The following MARCHF1 variants were observed in gnomAD, a reference collection of about 807,000 sequenced individuals.
MARCHF1 encodes E3 ubiquitin-protein ligase MARCHF1.
A neutral mutation model predicts 54.2 loss-of-function variants in MARCHF1; 40 were observed. The ratio of observed to expected loss-of-function variants is 0.74; its 90% CI spans 0.57 to 0.96. The LOEUF (loss-of-function observed/expected upper bound fraction) is 0.96, where lower values mean the gene tolerates loss of function less well. Ranked by LOEUF, MARCHF1 falls within the 40% of genes least tolerant of loss-of-function variation. The pLI, the probability that MARCHF1 is intolerant of heterozygous loss-of-function variation, is 0.00. For synonymous variants in MARCHF1, 236 were observed against 236.3 expected, an observed-to-expected ratio of 1.00 and a Z score of 0.01; for missense variants, 586 against 656.5, an observed-to-expected ratio of 0.89 and a Z score of 1.17.
intron 3 of MARCHF1, among the ~76,000 whole-genome samples, chr4:163,984,122 T>G (rs1752816318): frequency 6.6e-6 from 1 of 152,038 alleles, no homozygotes; most frequent in Non-Finnish European, 1.5e-5. Flanking sequence ...GATTCCCCAG[T>G]AACAGATCTC....
chr4:163,967,187 A>G (rs1419137810), intron 3 of MARCHF1, among the ~76,000 whole-genome samples: 3 of 152,174 alleles, frequency 2.0e-5, no homozygotes, highest in Admixed American at 6.6e-5. Flanking sequence ...TAAATTTCCA[A>G]TAAGGCAGTG....
At chr4:164,160,717 C>T (rs1228848500) in intron 1 of MARCHF1, among the ~76,000 whole-genome samples, 3 of 152,158 alleles carry the variant, frequency 2.0e-5, no homozygotes, top group Non-Finnish European at 4.4e-5. Context: ...TTCTCTTTCT[C>T]TCATTACAAA....
intron 3 of MARCHF1, among the ~76,000 whole-genome samples, chr4:163,944,293 A>T (rs1751982421): frequency 6.6e-6 from 1 of 152,078 alleles, no homozygotes; most frequent in Non-Finnish European, 1.5e-5. Flanking sequence ...GAAATATGCC[A>T]TCTTTTAAGG....
chr4:163,807,764 C>T (rs1748265976), intron 4 of MARCHF1, among the ~76,000 whole-genome samples: 1 of 150,960 alleles, frequency 6.6e-6, no homozygotes, highest in Non-Finnish European at 1.5e-5. Flanking sequence ...AATATACCCC[C>T]AAATATGGTG....
At chr4:164,073,043 CAGAA>C (rs1754902916) in intron 2 of MARCHF1, among the ~76,000 whole-genome samples, 1 of 152,034 alleles carries the variant, frequency 6.6e-6, no homozygotes, top group South Asian at 2.1e-4. Flanking sequence ...TTCGCATAGT[CAGAA>C]GGAGAGAAGA....
At chr4:163,978,920 T>C (rs1472000758) in intron 3 of MARCHF1, among the ~76,000 whole-genome samples, 1 of 151,828 alleles carries the variant, frequency 6.6e-6, no homozygotes, top group African/African-American at 2.4e-5. Flanking sequence ...ATAGACAGGG[T>C]ATCATTATGT....
At chr4:164,264,143 C>A (rs959434014) in intron 1 of MARCHF1, among the ~76,000 whole-genome samples, 6 of 152,094 alleles carry the variant, frequency 3.9e-5, no homozygotes, top group African/African-American at 1.4e-4. Flanking sequence ...ACATATACAC[C>A]ATGGAATACT....
chr4:163,630,884 T>C (rs1047038928), intron 5 of MARCHF1, among the ~76,000 whole-genome samples: 3 of 146,496 alleles, frequency 2.0e-5, no homozygotes, highest in Non-Finnish European at 4.5e-5. Context: ...CCAGAAGAAA[T>C]GCAAGGAAAA....
intron 1 of MARCHF1, among the ~76,000 whole-genome samples, chr4:164,174,437 T>C (rs1730609888): frequency 6.6e-6 from 1 of 152,196 alleles, no homozygotes; most frequent in Non-Finnish European, 1.5e-5. Flanking sequence ...ACCAGATGTG[T>C]CATTCGGCAT....
intron 4 of MARCHF1, among the ~76,000 whole-genome samples, chr4:163,772,580 A>G (rs1197034513): frequency 6.6e-6 from 1 of 152,096 alleles, no homozygotes; most frequent in Non-Finnish European, 1.5e-5. Flanking sequence ...GCAGGGGGTC[A>G]CTCTCAGCTT....
At chr4:164,189,953 C>G in intron 1 of MARCHF1, 1 of 1,547,554 alleles carries the variant, frequency 6.5e-7, no homozygotes, top group Non-Finnish European at 8.9e-7. Context: ...TCACAATTAC[C>G]AATGACCAGA....
At chr4:163,808,381 C>T (rs1264019531) in intron 4 of MARCHF1, among the ~76,000 whole-genome samples, 3 of 152,072 alleles carry the variant, frequency 2.0e-5, no homozygotes, top group Non-Finnish European at 4.4e-5. Flanking sequence ...ATTTGATATG[C>T]CACTGCTAAA....
chr4:164,037,751 C>G (rs1754039984), intron 2 of MARCHF1, among the ~76,000 whole-genome samples: 1 of 152,116 alleles, frequency 6.6e-6, no homozygotes, highest in African/African-American at 2.4e-5. Context: ...TGATCAAGGT[C>G]AACATCAACA....
chr4:163,884,737 T>G (rs1242758743), intron 3 of MARCHF1, among the ~76,000 whole-genome samples: 1 of 152,148 alleles, frequency 6.6e-6, no homozygotes, highest in Non-Finnish European at 1.5e-5. Context: ...GTTTCAAGCT[T>G]AAATAACAAG....
chr4:164,049,308 T>C (rs1754306678), intron 2 of MARCHF1, among the ~76,000 whole-genome samples: 1 of 152,152 alleles, frequency 6.6e-6, no homozygotes, highest in African/African-American at 2.4e-5. Context: ...ACCCCCGTGA[T>C]TCAATCACCT....
intron 9 of MARCHF1, among the ~76,000 whole-genome samples, chr4:163,544,382 T>C (rs919156538): frequency 1.3e-5 from 2 of 152,178 alleles, no homozygotes; most frequent in African/African-American, 4.8e-5. Context: ...TTTTCTAGCA[T>C]TTAGACTCGA....
At chr4:163,860,886 C>A (rs1258968075) in intron 3 of MARCHF1, among the ~76,000 whole-genome samples, 1 of 152,100 alleles carries the variant, frequency 6.6e-6, no homozygotes, top group Non-Finnish European at 1.5e-5. Context: ...GTTTCTACTG[C>A]CTGATGTATC....
intron 8 of MARCHF1, among the ~76,000 whole-genome samples, chr4:163,550,041 G>A (rs1056653785): frequency 2.6e-5 from 4 of 152,178 alleles, no homozygotes; most frequent in African/African-American, 7.2e-5. Context: ...CCAGCAGTTT[G>A]GGAGGCCAAG....
chr4:164,107,479 C>T (rs564655996), intron 2 of MARCHF1, among the ~76,000 whole-genome samples: 22 of 152,196 alleles, frequency 1.4e-4, no homozygotes, highest in Admixed American at 1.2e-3. Context: ...TCTCCCCACT[C>T]AGCATCCCAA....
Sources: allele counts gnomAD v4.1 joint callset (sites outside exome capture counted in the v4.1 genomes callset), GRCh38; gene constraint gnomAD v4.1.1; transcripts MANE v1.5; gene names NCBI Gene and HGNC (gene_info 2026-07-23, HGNC 2026-07-21).